Variants in CORIN observed in about 807,000 individuals in gnomAD.
CORIN encodes the protein atrial natriuretic peptide-converting enzyme.
Under a neutral mutation model 125.3 loss-of-function variants are expected in CORIN, and 117 were observed. That is an observed-to-expected ratio of 0.93 (90% confidence interval 0.80 to 1.09). The LOEUF (loss-of-function observed/expected upper bound fraction) is 1.09, where lower values mean the gene tolerates loss of function less well. Ranked by LOEUF, CORIN falls within the 50% of genes least tolerant of loss-of-function variation. The pLI is 0.00. For missense variants in CORIN, 1,253 were observed against 1,306.7 expected (o/e 0.96, Z 0.63); for synonymous variants, 450 against 466.4 (o/e 0.96, Z 0.45).
In CORIN at chr4:47,763,430, A is replaced by G. The variant is rs1729562639; in HGVS notation, c.566T>C (p.Leu189Pro). The G allele has an allele frequency of 1.2e-6, 2 of 1,614,126 alleles. No homozygotes were observed. ...HRLSCYQHIM[L>P]FGCTLAFPEC... The stretch of plus-strand genomic sequence containing the variant: ...AGGGAAGGCGAGGGTACAGCCAAAC[A>G]GCATGATATGTTGATAGCAACTGAG... Residue 189 changes from leucine to proline, a missense_variant, in exon 4 of 22, where the codon CTG (leucine) becomes CCG (proline). Physicochemically the swap from Leu to Pro is moderately conservative, Grantham distance 98 (BLOSUM62 -3). Coordinates refer to ENST00000273857, the MANE Select transcript of CORIN (RefSeq NM_006587.4).
intron 10 of CORIN, among the ~76,000 whole-genome samples, chr4:47,669,730 A>G (rs951920356): frequency 6.6e-6 from 1 of 151,990 alleles, no homozygotes; most frequent in South Asian, 2.1e-4. Flanking sequence ...CACCACGTCC[A>G]GCTAATTTTT....
intron 5 of CORIN, among the ~76,000 whole-genome samples, chr4:47,721,518 C>T (rs1727350676): frequency 6.6e-6 from 1 of 152,228 alleles, no homozygotes; most frequent in Admixed American, 6.5e-5. Flanking sequence ...ATCTGCCCGC[C>T]TTGGCCTCCC....
intron 16 of CORIN, among the ~76,000 whole-genome samples, chr4:47,633,189 A>AGGG (rs1722908451): frequency 6.6e-6 from 1 of 152,182 alleles, no homozygotes. Context: ...CTCAAAGCAA[A>AGGG]GGGGGGAGGT....
intron 5 of CORIN, among the ~76,000 whole-genome samples, chr4:47,734,256 G>A (rs1445721667): frequency 6.6e-6 from 1 of 152,200 alleles, no homozygotes; most frequent in Non-Finnish European, 1.5e-5. Context: ...ATAATGTAAA[G>A]GGAGGGAATT....
chr4:47,804,030 T>C (rs1731658435), intron 2 of CORIN, among the ~76,000 whole-genome samples: 1 of 152,144 alleles, frequency 6.6e-6, no homozygotes, highest in African/African-American at 2.4e-5. Flanking sequence ...TAATCCCACT[T>C]AAAAATGGGC....
chr4:47,717,871 A>C (rs1727166398), intron 5 of CORIN, among the ~76,000 whole-genome samples: 1 of 152,214 alleles, frequency 6.6e-6, no homozygotes, highest in Non-Finnish European at 1.5e-5. Flanking sequence ...ACAGAAGCAG[A>C]AGATAGTGGG....
chr4:47,816,138 G>A (rs1732257717), intron 1 of CORIN, among the ~76,000 whole-genome samples: 1 of 152,156 alleles, frequency 6.6e-6, no homozygotes, highest in South Asian at 2.1e-4. Context: ...GCATTTCAAT[G>A]CAAAGTAAAA....
intron 6 of CORIN, among the ~76,000 whole-genome samples, chr4:47,684,911 G>C (rs1725445035): frequency 6.9e-6 from 1 of 145,812 alleles, no homozygotes; most frequent in African/African-American, 2.5e-5. Context: ...CGGGAGGTGA[G>C]AGGGCAGGAC....
At chr4:47,819,776 C>A (rs1367334967) in intron 1 of CORIN, among the ~76,000 whole-genome samples, 2 of 152,174 alleles carry the variant, frequency 1.3e-5, no homozygotes, top group African/African-American at 4.8e-5. Flanking sequence ...CCTTCTACCT[C>A]CAAATTCTAC....
chr4:47,645,636 T>C (rs948454719), intron 13 of CORIN, among the ~76,000 whole-genome samples: 1 of 151,992 alleles, frequency 6.6e-6, no homozygotes, highest in Non-Finnish European at 1.5e-5. Context: ...ACGCCTGTAA[T>C]CCCAGCACTT....
intron 5 of CORIN, among the ~76,000 whole-genome samples, chr4:47,723,230 T>C (rs912095220): frequency 1.3e-5 from 2 of 152,160 alleles, no homozygotes; most frequent in Admixed American, 1.3e-4. Flanking sequence ...ACTAGAGCTT[T>C]TTTGACAGAG....
chr4:47,670,495 G>T (rs1043272823), intron 10 of CORIN, among the ~76,000 whole-genome samples: 2 of 152,144 alleles, frequency 1.3e-5, no homozygotes, highest in African/African-American at 2.4e-5. Flanking sequence ...GTAGGAAATT[G>T]CTAGACCCTT....
chr4:47,822,472 A>T (rs564915433), intron 1 of CORIN, among the ~76,000 whole-genome samples: 1 of 152,324 alleles, frequency 6.6e-6, no homozygotes, highest in South Asian at 2.1e-4. Flanking sequence ...TACCAAAAGG[A>T]TCTAATTTAG....
At chr4:47,820,336 C>T (rs1732455915) in intron 1 of CORIN, among the ~76,000 whole-genome samples, 1 of 151,830 alleles carries the variant, frequency 6.6e-6, no homozygotes, top group Non-Finnish European at 1.5e-5. Flanking sequence ...GGTTTGAATG[C>T]CAAGAAAGAG....
At chr4:47,713,073 G>GA (rs1247986249) in intron 5 of CORIN, among the ~76,000 whole-genome samples, 15 of 152,004 alleles carry the variant, frequency 9.9e-5, no homozygotes, top group Non-Finnish European at 2.1e-4. Flanking sequence ...CTTCTACTCT[G>GA]AAAAAAATTA....
intron 4 of CORIN, among the ~76,000 whole-genome samples, chr4:47,754,764 A>G (rs902907075): frequency 4.6e-5 from 7 of 152,092 alleles, no homozygotes; most frequent in African/African-American, 1.7e-4. Flanking sequence ...GGTAGCAGGG[A>G]CCCAATTTGC....
chr4:47,809,778 T>C (rs577142188), intron 1 of CORIN, among the ~76,000 whole-genome samples: 4 of 152,172 alleles, frequency 2.6e-5, no homozygotes, highest in African/African-American at 7.2e-5. Context: ...TTCAACACTT[T>C]CTTCTTGAAT....
intron 14 of CORIN, among the ~76,000 whole-genome samples, 151 bp downstream of exon 14, chr4:47,644,928 AAT>A (rs749573874): frequency 2.8e-4 from 42 of 152,334 alleles, no homozygotes; most frequent in Non-Finnish European, 1.3e-4. Context: ...GGCTTCTTAG[AAT>A]ATGTCTTTAC....
At chr4:47,649,655 G>A (rs923448898) in intron 13 of CORIN, among the ~76,000 whole-genome samples, 1 of 152,196 alleles carries the variant, frequency 6.6e-6, no homozygotes, top group African/African-American at 2.4e-5. Context: ...AAGTAAGGAT[G>A]TAAATTCAAG....
Sources: gnomAD v4.1 joint callset for allele counts (sites outside exome capture counted in the v4.1 genomes callset) on GRCh38, gnomAD v4.1.1 for gene constraint, MANE v1.5 for transcripts, NCBI Gene and HGNC (gene_info 2026-07-23, HGNC 2026-07-21) for gene names.